Variants in PSMC4 observed in about 807,000 individuals in gnomAD.
The protein encoded by PSMC4 is 26S proteasome regulatory subunit 6B.
A neutral mutation model predicts 48.4 loss-of-function variants in PSMC4; 13 were observed. The ratio of observed to expected loss-of-function variants is 0.27; its 90% CI spans 0.18 to 0.43. The LOEUF (loss-of-function observed/expected upper bound fraction) is 0.43, where lower values mean the gene tolerates loss of function less well. Among genes scored for constraint, PSMC4 ranks in the 20% least tolerant of loss-of-function variants. The pLI is 1.00. For missense variants in PSMC4, 262 were observed against 555.9 expected (o/e 0.47, Z 5.32); for synonymous variants, 202 against 212.3 (o/e 0.95, Z 0.42).
intron 1 of PSMC4, 84 bp downstream of exon 1, chr19:39,971,322 C>T (rs1192174149): frequency 3.3e-6 from 5 of 1,536,378 alleles, no homozygotes; most frequent in Admixed American, 1.7e-5. Context: ...GGAGGAATGG[C>T]TTCCAGGACC....
intron 6 of PSMC4, among the ~76,000 whole-genome samples, chr19:39,975,142 C>T (rs534488393): frequency 1.3e-5 from 2 of 152,200 alleles, no homozygotes; most frequent in African/African-American, 2.4e-5. Context: ...GAACAGAAAG[C>T]GCCAGAGAAC....
In PSMC4 at chr19:39,980,176, T is replaced by C; in HGVS notation, c.918+30T>C. On this transcript the variant is annotated intron_variant, in intron 8 of 10. Transcript: ENST00000157812. This position sits in a 1 kb window ranked among gnomAD's most constrained non-coding sequence, Gnocchi z 4.8. ...GGGGTTTGGGATGGACAAGGGGAGG[T>C]GTGGTGTAGGAACTGGGGAAAGTTG... 1 of 1,613,174 alleles carries C rather than the reference T, an allele frequency of 6.2e-7. No homozygotes were observed. The highest frequency in any genetic ancestry group is 8.5e-7 in the Non-Finnish European group (1 of 1,179,768).
chr19:39,973,028 G>A (rs1292911496), intron 3 of PSMC4, among the ~76,000 whole-genome samples: 6 of 152,134 alleles, frequency 3.9e-5, no homozygotes, highest in African/African-American at 1.4e-4. Context: ...TTACAGGCCT[G>A]AGCCCCACTG....
rs1971094288 is a variant in PSMC4 at position 39,971,189 on chromosome 19, C to G, written c.-14C>G. On this transcript the variant is annotated 5_prime_UTR_variant, in exon 1 of 11. Coordinates refer to ENST00000157812, the MANE Select transcript of PSMC4 (RefSeq NM_006503.4). ...CAGATCATCCCAGGCCACACAGAGG[C>G]CGGCTTGGTCACTATGGAGGAGATA... 2 of 1,614,024 alleles carry G rather than the reference C, an allele frequency of 1.2e-6. No individual in the cohort carries two copies. The highest frequency in any genetic ancestry group is 1.7e-5 in the Admixed American group (1 of 60,004).
chr19:39,972,700 T>TAC, intron 3 of PSMC4, 145 bp downstream of exon 3: 2 of 380,282 alleles, frequency 5.3e-6, no homozygotes, highest in Non-Finnish European at 4.8e-6. Context: ...AATACATACA[T>TAC]ATATATATAT....
Position 39,980,678 on chromosome 19 carries a change from T to A in PSMC4, c.1104T>A (p.Asp368Glu). The A allele has an allele frequency of 6.2e-7, 1 of 1,614,086 alleles. No homozygotes were observed. The highest frequency in any genetic ancestry group is 8.5e-7 in the Non-Finnish European group (1 of 1,179,986). ...TCGCTGCAGATGTGGCCCGGCCAGA[T>A]AAGATTTCAGGAGCTGATATTAACT... ...VDLEDYVARP[D>E]KISGADINSI... is the part of the protein sequence containing the mutation. Residue 368 changes from aspartate (D) to glutamate (E), a missense_variant, in exon 10 of 11, where the codon GAT becomes GAA. This residue lies in a region of PSMC4 where 84 missense variants were observed against 157.8 expected (regional missense o/e 0.53). Transcript: ENST00000157812. This position sits in a 1 kb window ranked among gnomAD's most constrained non-coding sequence, Gnocchi z 4.8.
At chr19:39,976,607 C>T (rs1428252922) in intron 6 of PSMC4, among the ~76,000 whole-genome samples, 2 of 147,604 alleles carry the variant, frequency 1.4e-5, no homozygotes, top group African/African-American at 5.0e-5. Context: ...CTCCCAGGTT[C>T]ACACCATTCT....
rs899190287 is a variant in PSMC4 at position 39,974,962 on chromosome 19, G to A, written c.673+134G>A. 3.8e-5 allele frequency: 32 copies of A among 848,012 alleles called. 1 individual carries two copies. The East Asian group carries it at 8.3e-4, about 22-fold the overall frequency. 52.5% of individuals were successfully genotyped at this position (848,012 alleles called of 1,614,324 possible). A position where few individuals can be genotyped will look rare whatever the true frequency, so the allele number is the denominator to read the frequency against. On this transcript the variant is annotated intron_variant, in intron 6 of 10. Transcript: ENST00000157812. This position sits in a 1 kb window ranked among gnomAD's most constrained non-coding sequence, Gnocchi z 5.5. ...AGCCCACGTGTGCATGTTACTGGCTGTGCTGACTTCACCTCCTTGGGCCTC... is the reference window on the plus strand; with the variant it reads ...AGCCCACGTGTGCATGTTACTGGCTATGCTGACTTCACCTCCTTGGGCCTC...
intron 1 of PSMC4, 145 bp downstream of exon 1, chr19:39,971,383 A>T: frequency 1.0e-6 from 1 of 967,314 alleles, no homozygotes; most frequent in Non-Finnish European, 1.6e-6. Flanking sequence ...GCTTTGTGCC[A>T]TTCGAAGGCC....
chr19:39,972,815 G>A (rs1971125655), intron 3 of PSMC4, among the ~76,000 whole-genome samples: 1 of 151,406 alleles, frequency 6.6e-6, no homozygotes, highest in Non-Finnish European at 1.5e-5. Flanking sequence ...GCATGATCTC[G>A]GCTCACTGCA....
At chr19:39,978,128 T>C (rs1599729107) in intron 6 of PSMC4, among the ~76,000 whole-genome samples, 1 of 152,294 alleles carries the variant, frequency 6.6e-6, no homozygotes, top group East Asian at 1.9e-4. Context: ...TCCTCTTGTT[T>C]TTCGGGGGGA....
chr19:39,981,192 A>G lies in PSMC4; in HGVS notation c.1144A>G (p.Ser382Gly), dbSNP rs763366030. 1 of 1,612,188 alleles carries G rather than the reference A, an allele frequency of 6.2e-7. No homozygotes were observed. ...GATTTTAACTCTCATCCTTCAACAG[A>G]GTGGAATGTTGGCTGTCCGTGAAAA... ...GADINSICQE[S>G]GMLAVRENRY... The change falls in exon 11 of 11, where the codon AGT becomes GGT. Residue 382 changes from serine (S) to glycine (G), a missense_variant and splice_region_variant. Ser to Gly is a moderately conservative substitution (Grantham distance 56, BLOSUM62 0). Coordinates refer to ENST00000157812, the MANE Select transcript of PSMC4 (RefSeq NM_006503.4).
chr19:39,981,105 C>A, intron 10 of PSMC4, 87 bp from the exon 11 acceptor site: 2 of 1,001,574 alleles, frequency 2.0e-6, no homozygotes, highest in Non-Finnish European at 3.1e-6. Context: ...GATCTGTATA[C>A]CTCAGCCTCC....
intron 1 of PSMC4, among the ~76,000 whole-genome samples, chr19:39,971,598 G>A (rs234371): frequency 0.2 from 30,148 of 152,108 alleles, 6,427 homozygotes; most frequent in African/African-American, 0.53. Context: ...CCCCGGGTCT[G>A]GGCTGCGGGG....
chr19:39,976,319 G>A (rs1286586086), intron 6 of PSMC4, among the ~76,000 whole-genome samples: 1 of 141,382 alleles, frequency 7.1e-6, no homozygotes, highest in African/African-American at 2.6e-5. Context: ...GCTACTCAGC[G>A]TGAACCCGGG....
chr19:39,977,003 C>G (rs1726911433), intron 6 of PSMC4, among the ~76,000 whole-genome samples: 2 of 152,010 alleles, frequency 1.3e-5, no homozygotes, highest in South Asian at 4.1e-4. Context: ...GTACATGCCA[C>G]CACATCTGGC....
chr19:39,976,572 G>A (rs1476704672), intron 6 of PSMC4, among the ~76,000 whole-genome samples: 2 of 135,380 alleles, frequency 1.5e-5, no homozygotes, highest in African/African-American at 2.8e-5. Flanking sequence ...GCAGTGGTGC[G>A]ATCTCGGCTT....
Position 39,974,469 on chromosome 19 carries a change from C to G in PSMC4, c.469+29C>G, listed in dbSNP as rs55787243. ...AAGGGGGAGCCTGCAGCTGGGAGGGCCCCATGGGGACCTTGAGGACCTGGC... is the reference window on the plus strand; with the variant it reads ...AAGGGGGAGCCTGCAGCTGGGAGGGGCCCATGGGGACCTTGAGGACCTGGC... On this transcript the variant is annotated intron_variant, in intron 4 of 10. Coordinates refer to ENST00000157812, the MANE Select transcript of PSMC4 (RefSeq NM_006503.4). The surrounding 1 kb of genome is among the most constrained non-coding windows in gnomAD (Gnocchi z 5.5). 1 of 1,613,376 alleles carries G rather than the reference C, an allele frequency of 6.2e-7. No homozygotes were observed.
chr19:39,978,156 G>A (rs940218012), intron 6 of PSMC4, among the ~76,000 whole-genome samples: 2 of 151,998 alleles, frequency 1.3e-5, no homozygotes, highest in South Asian at 2.1e-4. Flanking sequence ...TATTTGTTCC[G>A]GTGACAGCAC....
Sources: gnomAD v4.1 joint callset for allele counts (sites outside exome capture counted in the v4.1 genomes callset) on GRCh38, gnomAD v4.1.1 for gene constraint, gnomAD v4.1.1 regional missense constraint, Gnocchi (gnomAD v3.1) non-coding constraint, MANE v1.5 for transcripts, NCBI Gene and HGNC (gene_info 2026-07-23, HGNC 2026-07-21) for gene names.